Variants in LOC400499 observed in about 807,000 individuals in gnomAD.
the LOC400499 span, among the ~76,000 whole-genome samples, chr16:11,381,701 G>A: frequency 2.6e-5 from 4 of 152,262 alleles, no homozygotes; most frequent in African/African-American, 7.2e-5. Flanking sequence ...TTAAATAATA[G>A]TTGAGCTGGG....
chr16:11,380,642 T>C, the LOC400499 span, among the ~76,000 whole-genome samples: 2 of 152,158 alleles, frequency 1.3e-5, no homozygotes, highest in African/African-American at 4.8e-5. Context: ...TTATAACGGG[T>C]GACTGCTTTT....
the LOC400499 span, among the ~76,000 whole-genome samples, chr16:11,458,593 G>A: frequency 6.6e-6 from 1 of 152,122 alleles, no homozygotes; most frequent in Non-Finnish European, 1.5e-5. Flanking sequence ...GTAGAATGGT[G>A]CTTTCCAGGG....
At chr16:11,447,255 A>T in the LOC400499 span, among the ~76,000 whole-genome samples, 1 of 152,296 alleles carries the variant, frequency 6.6e-6, no homozygotes, top group East Asian at 1.9e-4. Context: ...CCTTGGGAAA[A>T]GGACTTGACT....
the LOC400499 span, among the ~76,000 whole-genome samples, chr16:11,409,340 T>C: frequency 2.6e-5 from 4 of 152,240 alleles, no homozygotes; most frequent in Admixed American, 6.5e-5. Flanking sequence ...GAAAATATTC[T>C]AGATCAGGAG....
At chr16:11,422,692 GC>G in the LOC400499 span, among the ~76,000 whole-genome samples, 2 of 152,138 alleles carry the variant, frequency 1.3e-5, no homozygotes, top group South Asian at 4.1e-4. Flanking sequence ...AAATAGAAAT[GC>G]CTGAGCCCGT....
the LOC400499 span, chr16:11,459,824 TGGG>T: frequency 8.7e-5 from 108 of 1,247,634 alleles, no homozygotes; most frequent in Non-Finnish European, 5.1e-5. Context: ...GAGGGCCATG[TGGG>T]GGTTCCCCAG....
the LOC400499 span, among the ~76,000 whole-genome samples, chr16:11,510,602 C>T: frequency 2.0e-5 from 3 of 151,692 alleles, no homozygotes; most frequent in Non-Finnish European, 2.9e-5. Context: ...AATGATTTCC[C>T]CCTCCCAGGA....
At chr16:11,473,660 CAGA>C in the LOC400499 span, among the ~76,000 whole-genome samples, 1 of 150,760 alleles carries the variant, frequency 6.6e-6, no homozygotes, top group African/African-American at 2.5e-5. Flanking sequence ...GAGGCTGAGG[CAGA>C]AGAATTGCTT....
the LOC400499 span, chr16:11,448,968 C>T: frequency 1.3e-6 from 2 of 1,504,222 alleles, no homozygotes; most frequent in Non-Finnish European, 8.9e-7. Context: ...CTGCTGGGGG[C>T]CTTTCAACCA....
At chr16:11,518,053 C>G in the LOC400499 span, among the ~76,000 whole-genome samples, 3 of 152,144 alleles carry the variant, frequency 2.0e-5, no homozygotes, top group Admixed American at 6.5e-5. Context: ...ATGGCGCCCA[C>G]CACTCCCAGA....
chr16:11,519,723 G>A, the LOC400499 span, among the ~76,000 whole-genome samples: 1 of 112,874 alleles, frequency 8.9e-6, no homozygotes, highest in Non-Finnish European at 1.9e-5. Flanking sequence ...TTTTTTTTTT[G>A]AGATGGAGTT....
the LOC400499 span, among the ~76,000 whole-genome samples, chr16:11,415,829 C>A: frequency 6.6e-6 from 1 of 152,142 alleles, no homozygotes; most frequent in African/African-American, 2.4e-5. Context: ...CCTCACTTGA[C>A]TGTCATGTCC....
At chr16:11,397,946 G>A in the LOC400499 span, among the ~76,000 whole-genome samples, 4 of 152,116 alleles carry the variant, frequency 2.6e-5, no homozygotes, top group Admixed American at 6.5e-5. Context: ...GGATGGATGG[G>A]TTGGTGGATG....
chr16:11,373,217 G>A, the LOC400499 span, among the ~76,000 whole-genome samples: 4 of 152,232 alleles, frequency 2.6e-5, no homozygotes, highest in Non-Finnish European at 5.9e-5. Flanking sequence ...GGGGCTCCTG[G>A]CCCTAGAGGG....
chr16:11,463,942 G>C, the LOC400499 span, among the ~76,000 whole-genome samples: 2 of 152,138 alleles, frequency 1.3e-5, no homozygotes, highest in East Asian at 1.9e-4. Context: ...ATATGGACGT[G>C]TGTACACCAC....
the LOC400499 span, among the ~76,000 whole-genome samples, chr16:11,411,049 G>A: frequency 1.3e-5 from 2 of 152,250 alleles, no homozygotes; most frequent in Non-Finnish European, 2.9e-5. Flanking sequence ...GGCCACGGGG[G>A]CTGGCCCAGG....
the LOC400499 span, among the ~76,000 whole-genome samples, chr16:11,406,491 G>A: frequency 6.6e-5 from 10 of 152,140 alleles, no homozygotes; most frequent in Admixed American, 2.0e-4. Context: ...GCAGTGCAAC[G>A]GCGCAATCTC....
chr16:11,402,659 C>T, the LOC400499 span, among the ~76,000 whole-genome samples: 1 of 152,188 alleles, frequency 6.6e-6, no homozygotes, highest in Non-Finnish European at 1.5e-5. Context: ...CTAGCCAGCC[C>T]CTGAGCAGGC....
chr16:11,390,199 C>T, the LOC400499 span: 31 of 1,232,332 alleles, frequency 2.5e-5, no homozygotes, highest in African/African-American at 9.3e-5. Context: ...ATCTGTTGGG[C>T]GGCCTGGAGA....
Sources: gnomAD v4.1 joint callset for allele counts (sites outside exome capture counted in the v4.1 genomes callset) on GRCh38, gnomAD v4.1.1 for gene constraint, MANE v1.5 for transcripts.